The following NAA35 variants were observed in gnomAD, a reference collection of about 807,000 sequenced individuals.
NAA35 encodes the protein MAK10 homolog, amino-acid N-acetyltransferase subunit.
In NAA35, 18 loss-of-function variants were observed where a neutral mutation model predicts 101.7. The ratio of observed to expected loss-of-function variants is 0.18; its 90% CI spans 0.12 to 0.26. The LOEUF is 0.26. Among genes scored for constraint, NAA35 ranks in the 10% least tolerant of loss-of-function variants. The pLI is 1.00. For missense variants in NAA35, 601 were observed against 886.8 expected, an observed-to-expected ratio of 0.68 and a Z score of 4.09; for synonymous variants, 267 against 273.1, an observed-to-expected ratio of 0.98 and a Z score of 0.22.
At chr9:85,950,529 C>T (rs2118284753) in intron 2 of NAA35, among the ~76,000 whole-genome samples, 1 of 152,284 alleles carries the variant, frequency 6.6e-6, no homozygotes, top group South Asian at 2.1e-4. Context: ...CAGGTGTGAG[C>T]CACTGCGCCC....
At chr9:85,998,561 A>C (rs1407867853) in intron 12 of NAA35, among the ~76,000 whole-genome samples, 1 of 152,192 alleles carries the variant, frequency 6.6e-6, no homozygotes. Context: ...ATTTTGGATT[A>C]ATATTTTTTA....
intron 12 of NAA35, among the ~76,000 whole-genome samples, chr9:85,997,127 T>C (rs1831196250): frequency 6.6e-6 from 1 of 151,124 alleles, no homozygotes; most frequent in African/African-American, 2.4e-5. Context: ...AATGTTTTAG[T>C]TTAATCATTA....
chr9:85,943,137 TA>T (rs1186340874), intron 2 of NAA35, among the ~76,000 whole-genome samples: 1 of 151,700 alleles, frequency 6.6e-6, no homozygotes, highest in Non-Finnish European at 1.5e-5. Context: ...TAAATAGGAG[TA>T]AATGATTGGA....
intron 12 of NAA35, among the ~76,000 whole-genome samples, chr9:86,003,055 G>A (rs913394228): frequency 1.3e-5 from 2 of 152,110 alleles, no homozygotes; most frequent in Non-Finnish European, 2.9e-5. Flanking sequence ...CTTTCTGTAG[G>A]GTCTTTATTT....
chr9:85,998,352 A>G (rs1831268659), intron 12 of NAA35, among the ~76,000 whole-genome samples: 1 of 152,172 alleles, frequency 6.6e-6, no homozygotes, highest in South Asian at 2.1e-4. Flanking sequence ...CATTATTTTA[A>G]TGGCTGTGTG....
chr9:85,970,663 G>A (rs1049512659), intron 6 of NAA35, among the ~76,000 whole-genome samples: 1 of 152,102 alleles, frequency 6.6e-6, no homozygotes, highest in Non-Finnish European at 1.5e-5. Context: ...ACTACAAAAT[G>A]TATACTACAA....
chr9:86,022,595 ATTGT>A lies in NAA35; in HGVS notation c.*639_*642del, dbSNP rs1271120362. 6.6e-6 allele frequency among the ~76,000 whole-genome samples: 1 copy of A among 152,234 alleles called. No homozygotes were observed. The highest frequency in any genetic ancestry group is 1.5e-5 in the Non-Finnish European group (1 of 68,040). On this transcript the variant is annotated 3_prime_UTR_variant, in exon 23 of 23. Coordinates refer to ENST00000361671, the MANE Select transcript of NAA35 (RefSeq NM_024635.4). Reference sequence around the variant, plus strand: ...TTTTAGCACTTTTAAAAGATTATACATTGTTTGCTGGTGACATGCAAAAAGGAGG... The same window carrying A: ...TTTTAGCACTTTTAAAAGATTATACATTGCTGGTGACATGCAAAAAGGAGG...
chr9:85,952,410 C>T (rs1052705410), intron 2 of NAA35, among the ~76,000 whole-genome samples: 8 of 151,454 alleles, frequency 5.3e-5, no homozygotes, highest in Non-Finnish European at 8.8e-5. Context: ...CTCAGCCTCC[C>T]GAGTAGCTGG....
rs572368063 is a variant in NAA35, at chr9:85,997,491, G to A, written c.1056+914G>A. Among the ~76,000 whole-genome samples the A allele has an allele frequency of 2.0e-5, 3 of 152,094 alleles. No individual in the cohort carries two copies. In the East Asian group the frequency reaches 5.8e-4, roughly 30 times the overall value. On this transcript the variant is annotated intron_variant, in intron 12 of 22. Coordinates refer to ENST00000361671, the MANE Select transcript of NAA35 (RefSeq NM_024635.4). ...CAAGTAGCTGGGACTGCAAGCGTGT[G>A]CCACCATGCATGGCTAATTTTTTGT...
At chr9:85,987,964 G>A (rs1830722762) in intron 11 of NAA35, among the ~76,000 whole-genome samples, 1 of 152,250 alleles carries the variant, frequency 6.6e-6, no homozygotes, top group African/African-American at 2.4e-5. Context: ...GAAAGGCAAA[G>A]GAGGTGGGGC....
rs747890458 is a variant in NAA35, at chr9:86,022,005, G to C, written c.*45G>C. ...CATAAAGGGGCAGAGTCTTCTTTCA[G>C]ACCCAACTCTTAGAGGGCACATCAC... On this transcript the variant is annotated 3_prime_UTR_variant, in exon 23 of 23. Coordinates refer to ENST00000361671, the MANE Select transcript of NAA35 (RefSeq NM_024635.4). 2.7e-6 allele frequency: 4 copies of C among 1,491,502 alleles called. No homozygotes were observed. The South Asian group carries it at 4.6e-5, about 17-fold the overall frequency. 92.4% of individuals were successfully genotyped at this position (1,491,502 alleles called of 1,614,324 possible). A position where few individuals can be genotyped will look rare whatever the true frequency, so the allele number is the denominator to read the frequency against.
chr9:86,004,048 A>G (rs1041383112), intron 13 of NAA35, among the ~76,000 whole-genome samples: 8 of 152,168 alleles, frequency 5.3e-5, no homozygotes, highest in African/African-American at 1.9e-4. Flanking sequence ...AATGTACCCA[A>G]ATCTGTGAGA....
intron 22 of NAA35, 56 bp from the exon 23 acceptor site, chr9:86,021,845 G>T: frequency 7.5e-7 from 1 of 1,327,620 alleles, no homozygotes; most frequent in East Asian, 2.3e-5. Context: ...TCTTTGTTTT[G>T]TGTACCATCT....
rs182282750 is a variant in NAA35, at chr9:85,978,486, G to A, written c.877+105G>A. 2,472 of 710,232 alleles carry A rather than the reference G, an allele frequency of 3.5e-3. 55 individuals carry two copies. Among genetic ancestry groups the A allele is most frequent in the South Asian group, 0.027 (1,625 of 59,778 alleles). 44.0% of individuals were successfully genotyped at this position (710,232 alleles called of 1,614,324 possible). On this transcript the variant is annotated intron_variant, in intron 11 of 22. Transcript: ENST00000361671. The stretch of plus-strand genomic sequence containing the variant: ...TTTTCAAGTCAGTCTTGTACCTTGG[G>A]ATGTTTTAATCCAGAGACTTACAGT...
intron 19 of NAA35, 103 bp downstream of exon 19, chr9:86,017,668 C>T: frequency 1.1e-6 from 1 of 913,800 alleles, no homozygotes; most frequent in Non-Finnish European, 1.6e-6. Flanking sequence ...ATAATTTCAC[C>T]TTTGTTTTAC....
chr9:85,998,772 C>G (rs571536074), intron 12 of NAA35, among the ~76,000 whole-genome samples: 30 of 152,286 alleles, frequency 2.0e-4, no homozygotes, highest in Admixed American at 1.4e-3. Flanking sequence ...CATAAGTACA[C>G]TAACATCTGT....
chr9:85,986,386 A>C, intron 11 of NAA35: 2 of 469,270 alleles, frequency 4.3e-6, no homozygotes, highest in South Asian at 3.1e-5. Context: ...GAGGGGACAG[A>C]AGTGTGTGCA....
chr9:85,943,180 G>T (rs1828598974), intron 2 of NAA35, among the ~76,000 whole-genome samples: 1 of 152,154 alleles, frequency 6.6e-6, no homozygotes, highest in African/African-American at 2.4e-5. Context: ...TGAGGGGAAA[G>T]AGTCTAGGGA....
chr9:85,968,569 A>G (rs1297684159), intron 6 of NAA35, among the ~76,000 whole-genome samples: 1 of 152,142 alleles, frequency 6.6e-6, no homozygotes, highest in Non-Finnish European at 1.5e-5. Flanking sequence ...TAATAAAAGT[A>G]CTAATACTTG....
Sources: gnomAD v4.1 joint callset for allele counts (sites outside exome capture counted in the v4.1 genomes callset) on GRCh38, gnomAD v4.1.1 for gene constraint, MANE v1.5 for transcripts, NCBI Gene and HGNC (gene_info 2026-07-23, HGNC 2026-07-21) for gene names.